The following SGIP1 variants were observed in gnomAD, a reference collection of about 807,000 sequenced individuals.
SGIP1 encodes the protein SH3GL interacting endocytic adaptor 1.
SGIP1 carries 38 observed loss-of-function variants against 107.5 expected under a neutral mutation model. That is an observed-to-expected ratio of 0.35 (90% CI 0.27 to 0.46). The LOEUF is 0.46. Ranked by LOEUF, SGIP1 falls within the 20% of genes least tolerant of loss-of-function variation. The pLI, the probability that SGIP1 is intolerant of heterozygous loss-of-function variation, is 1.00. For missense variants in SGIP1, 929 were observed against 1,019.5 expected (o/e 0.91, Z 1.21); for synonymous variants, 365 against 366.1 (o/e 1.00, Z 0.03).
intron 18 of SGIP1, among the ~76,000 whole-genome samples, chr1:66,707,534 T>G (rs181977951): frequency 4.6e-5 from 7 of 152,214 alleles, no homozygotes; most frequent in Admixed American, 4.6e-4. Flanking sequence ...GTAAATAATT[T>G]CCTTGAAAGT....
chr1:66,678,196 C>T (rs77503231), intron 13 of SGIP1, among the ~76,000 whole-genome samples: 1 of 152,214 alleles, frequency 6.6e-6, no homozygotes, highest in East Asian at 1.9e-4. Flanking sequence ...AGTGAAAAAG[C>T]TGTAACTTCC....
chr1:66,631,977 C>T (rs1011172163), intron 2 of SGIP1, among the ~76,000 whole-genome samples: 3 of 152,210 alleles, frequency 2.0e-5, no homozygotes, highest in Non-Finnish European at 4.4e-5. Flanking sequence ...GTTTCTCCCT[C>T]TGCTCTTGTA....
intron 1 of SGIP1, among the ~76,000 whole-genome samples, chr1:66,609,658 A>T (rs1006215329): frequency 6.6e-6 from 1 of 152,200 alleles, no homozygotes; most frequent in African/African-American, 2.4e-5. Flanking sequence ...AGATGCATGG[A>T]TGTATTTAGA....
At chr1:66,633,969 C>G (rs888270753) in intron 3 of SGIP1, 10 of 863,284 alleles carry the variant, frequency 1.2e-5, no homozygotes, top group Non-Finnish European at 1.6e-5. Context: ...ACTCAAGGTT[C>G]TTAGCTTTGG....
intron 1 of SGIP1, among the ~76,000 whole-genome samples, chr1:66,562,672 CT>C (rs1408626214): frequency 6.6e-6 from 1 of 152,014 alleles, no homozygotes; most frequent in African/African-American, 2.4e-5. Flanking sequence ...TTTGGGCCTT[CT>C]TAGATGTGGA....
chr1:66,615,096 C>T (rs995155937), intron 1 of SGIP1, among the ~76,000 whole-genome samples: 2 of 152,082 alleles, frequency 1.3e-5, no homozygotes, highest in South Asian at 4.2e-4. Flanking sequence ...ACTGGGATTA[C>T]AGGCAGGAGC....
chr1:66,660,901 G>A (rs975021201), intron 8 of SGIP1, among the ~76,000 whole-genome samples: 20 of 152,312 alleles, frequency 1.3e-4, no homozygotes, highest in South Asian at 4.1e-4. Flanking sequence ...TTTTTGATTA[G>A]CGTACAACAT....
intron 18 of SGIP1, among the ~76,000 whole-genome samples, chr1:66,711,080 AATT>A (rs1251562170): frequency 6.6e-6 from 1 of 152,200 alleles, no homozygotes; most frequent in African/African-American, 2.4e-5. Flanking sequence ...CCAAGAACTC[AATT>A]ATTAATGTAG....
At chr1:66,667,596 G>A (rs1243114585) in intron 9 of SGIP1, 55 bp downstream of exon 9, 2 of 1,554,646 alleles carry the variant, frequency 1.3e-6, no homozygotes, top group Non-Finnish European at 1.8e-6. Flanking sequence ...TTGCTGCCAA[G>A]GCAAGGTGGC....
intron 1 of SGIP1, among the ~76,000 whole-genome samples, chr1:66,539,719 C>T (rs1570996387): frequency 6.6e-6 from 1 of 152,186 alleles, no homozygotes; most frequent in Non-Finnish European, 1.5e-5. Flanking sequence ...GCCTAAAACA[C>T]TCCTTTTGCA....
At chr1:66,634,687 G>T (rs1333420419) in intron 3 of SGIP1, among the ~76,000 whole-genome samples, 1 of 152,194 alleles carries the variant, frequency 6.6e-6, no homozygotes, top group Non-Finnish European at 1.5e-5. Context: ...AGATAAATTA[G>T]TTAATTTTGA....
At chr1:66,676,398 A>G (rs1411011525) in intron 12 of SGIP1, among the ~76,000 whole-genome samples, 1 of 152,216 alleles carries the variant, frequency 6.6e-6, no homozygotes, top group East Asian at 1.9e-4. Context: ...AAGAAATGTT[A>G]AATTCAGTGT....
At chr1:66,622,430 A>G (rs1024585606) in intron 1 of SGIP1, among the ~76,000 whole-genome samples, 5 of 152,180 alleles carry the variant, frequency 3.3e-5, no homozygotes, top group African/African-American at 1.2e-4. Context: ...CACTATCACT[A>G]TCATCGATTT....
intron 18 of SGIP1, among the ~76,000 whole-genome samples, chr1:66,702,605 G>T (rs1010735517): frequency 1.3e-5 from 2 of 152,176 alleles, no homozygotes; most frequent in Non-Finnish European, 2.9e-5. Context: ...CATCCAAGAT[G>T]CATTTGTTTC....
chr1:66,583,394 C>T (rs906053387), intron 1 of SGIP1, among the ~76,000 whole-genome samples: 2 of 152,094 alleles, frequency 1.3e-5, no homozygotes, highest in African/African-American at 4.8e-5. Flanking sequence ...GCCCCAATAA[C>T]TGCATTGCAC....
chr1:66,649,040 C>A (rs996429535), intron 7 of SGIP1, among the ~76,000 whole-genome samples: 6 of 152,178 alleles, frequency 3.9e-5, no homozygotes, highest in African/African-American at 1.2e-4. Context: ...TTTAAAAAAA[C>A]CACTTCTCCT....
At chr1:66,723,167 C>T (rs949661911) in intron 19 of SGIP1, among the ~76,000 whole-genome samples, 3 of 152,158 alleles carry the variant, frequency 2.0e-5, no homozygotes, top group Non-Finnish European at 4.4e-5. Flanking sequence ...AGTTCTATCA[C>T]CAGGTGGAAA....
intron 1 of SGIP1, among the ~76,000 whole-genome samples, chr1:66,612,248 A>C (rs1022628153): frequency 2.6e-5 from 4 of 152,148 alleles, no homozygotes; most frequent in Non-Finnish European, 4.4e-5. Context: ...AAACTCATCC[A>C]CCGCTTTGAG....
intron 23 of SGIP1, 41 bp from the exon 24 acceptor site, chr1:66,741,231 T>C: frequency 6.6e-7 from 1 of 1,514,440 alleles, no homozygotes; most frequent in South Asian, 1.3e-5. Flanking sequence ...ATCCGAAATA[T>C]TATGTTGACT....
Sources: allele counts gnomAD v4.1 joint callset (sites outside exome capture counted in the v4.1 genomes callset), GRCh38; gene constraint gnomAD v4.1.1; transcripts MANE v1.5; gene names NCBI Gene and HGNC (gene_info 2026-07-23, HGNC 2026-07-21).